OSGIN2: variants seen among roughly 807,000 people sequenced by gnomAD.
OSGIN2 encodes the protein oxidative stress induced growth inhibitor family member 2.
OSGIN2 carries 19 observed loss-of-function variants against 53.8 expected under a neutral mutation model. That is an observed-to-expected ratio of 0.35 (90% CI 0.25 to 0.52). The LOEUF is 0.52. Ranked by LOEUF, OSGIN2 falls within the 20% of genes least tolerant of loss-of-function variation. OSGIN2 has a pLI of 0.95. For missense variants in OSGIN2, 520 were observed against 662.7 expected, an observed-to-expected ratio of 0.78 and a Z score of 2.36; for synonymous variants, 236 against 236.0, an observed-to-expected ratio of 1.00 and a Z score of 0.00.
At chr8:89,910,261 A>C (rs1295713341) in intron 2 of OSGIN2, among the ~76,000 whole-genome samples, 1 of 152,238 alleles carries the variant, frequency 6.6e-6, no homozygotes, top group African/African-American at 2.4e-5. Flanking sequence ...CATTTAAGAT[A>C]TTAAAAATTA....
chr8:89,921,054 A>G (rs755593905), intron 4 of OSGIN2, 26 bp from the exon 5 acceptor site: 1 of 1,318,936 alleles, frequency 7.6e-7, no homozygotes, highest in Non-Finnish European at 1.1e-6. Flanking sequence ...TTTTGACGGT[A>G]CATTTTTTTT....
At chr8:89,905,830 AT>A in intron 1 of OSGIN2, among the ~76,000 whole-genome samples, 1 of 152,380 alleles carries the variant, frequency 6.6e-6, no homozygotes, top group East Asian at 1.9e-4. Context: ...TAATATATAA[AT>A]TCAACGGTGT....
intron 5 of OSGIN2, 108 bp downstream of exon 5, chr8:89,921,279 G>A (rs145393489): frequency 1.4e-5 from 9 of 637,766 alleles, no homozygotes; most frequent in East Asian, 1.1e-4. Flanking sequence ...ATAAATGTAC[G>A]TCTTTCAAAT....
Position 89,926,397 on chromosome 8 carries a change from C to T in OSGIN2, c.*865C>T, listed in dbSNP as rs1809333962. The T allele has an allele frequency of 6.6e-6, 1 of 152,632 alleles. No homozygotes were observed. Among genetic ancestry groups the T allele is most frequent in the African/African-American group, 2.4e-5 (1 of 41,452 alleles). 9.5% of individuals were successfully genotyped at this position (152,632 alleles called of 1,614,324 possible). ...GTTCAATAAATTGTGGGTTGAACTA[C>T]TTATCCCTGTGTGAACATTGAATTA... On this transcript the variant is annotated 3_prime_UTR_variant, in exon 6 of 6. Transcript: ENST00000451899.
At chr8:89,923,109 T>C (rs1809243422) in intron 5 of OSGIN2, among the ~76,000 whole-genome samples, 1 of 152,136 alleles carries the variant, frequency 6.6e-6, no homozygotes, top group Admixed American at 6.5e-5. Context: ...GGTGAGTGAA[T>C]GTGAAGGCCT....
chr8:89,914,597 A>C lies in OSGIN2; in HGVS notation c.379A>C (p.Asn127His). 1 of 1,614,092 alleles carries C rather than the reference A, an allele frequency of 6.2e-7. No homozygotes were observed. The highest frequency in any genetic ancestry group is 8.5e-7 in the Non-Finnish European group (1 of 1,179,946). Residue 127 changes from asparagine to histidine, a missense_variant, in exon 4 of 6, where the codon AAT (asparagine) becomes CAT (histidine). Physicochemically the swap from Asn to His is moderately conservative, Grantham distance 68. Around this residue, in one of 3 missense-constraint regions of OSGIN2, gnomAD observed 203 missense variants for 275.3 expected, o/e 0.74. Coordinates refer to ENST00000451899, the MANE Select transcript of OSGIN2 (RefSeq NM_001126111.3). ...LSEGLEGRSS[N>H]PVAVLFDTLL... Reference sequence around the variant, plus strand: ...TGAGGGCCTTGAGGGCCGATCATCCAATCCAGTTGCAGTACTTTTCGATAC... The same window carrying C: ...TGAGGGCCTTGAGGGCCGATCATCCCATCCAGTTGCAGTACTTTTCGATAC...
intron 1 of OSGIN2, 37 bp from the exon 2 acceptor site, chr8:89,909,530 T>C: frequency 8.4e-7 from 1 of 1,190,288 alleles, no homozygotes; most frequent in Non-Finnish European, 1.2e-6. Flanking sequence ...CTATATTGAC[T>C]ATATCTCTTT....
In OSGIN2 at chr8:89,916,877, T is replaced by C. The variant is rs192744857; in HGVS notation, c.528+2131T>C. 1.9e-3 allele frequency among the ~76,000 whole-genome samples: 288 copies of C among 152,290 alleles called. 1 individual carries two copies. Among genetic ancestry groups the C allele is most frequent in the Non-Finnish European group, 2.2e-3 (151 of 68,026 alleles). ...CATTCTCCCATAGCCCTATGTCCCATCAGGTTGGCTAGTAAGGTTGGTCTT... is the reference window on the plus strand; with the variant it reads ...CATTCTCCCATAGCCCTATGTCCCACCAGGTTGGCTAGTAAGGTTGGTCTT... On this transcript the variant is annotated intron_variant, in intron 4 of 5. Transcript: ENST00000451899.
chr8:89,914,519 C>A (rs1809037032), intron 3 of OSGIN2, 36 bp from the exon 4 acceptor site: 1 of 1,549,826 alleles, frequency 6.5e-7, no homozygotes, highest in Non-Finnish European at 8.9e-7. Context: ...GAAATGCTGG[C>A]TTTTTTCAAA....
At chr8:89,912,188 ATAAG>A (rs928258174) in intron 2 of OSGIN2, among the ~76,000 whole-genome samples, 121 of 152,360 alleles carry the variant, frequency 7.9e-4, no homozygotes, top group African/African-American at 2.8e-3. Context: ...GGCAGATATA[ATAAG>A]TGGTAATCCA....
At chr8:89,922,060 G>A (rs954178110) in intron 5 of OSGIN2, among the ~76,000 whole-genome samples, 10 of 151,812 alleles carry the variant, frequency 6.6e-5, no homozygotes, top group Non-Finnish European at 1.3e-4. Flanking sequence ...AATTTAAAAA[G>A]AGAAATATGA....
chr8:89,925,974 T>G lies in OSGIN2; in HGVS notation c.*442T>G, dbSNP rs1164462132. 1 of 157,696 alleles carries G rather than the reference T, an allele frequency of 6.3e-6. No individual in the cohort carries two copies. Among genetic ancestry groups the G allele is most frequent in the African/African-American group, 2.4e-5 (1 of 41,432 alleles). The allele number at this position is 157,696 out of a possible 1,614,324, so 9.8% of individuals were successfully genotyped here. ...CCTGCAGCATCTTACATCTGTAGCT[T>G]GTTAGAAATGTAAACTCTCAGGCCC... On this transcript the variant is annotated 3_prime_UTR_variant, in exon 6 of 6. Coordinates refer to ENST00000451899, the MANE Select transcript of OSGIN2 (RefSeq NM_001126111.3).
chr8:89,913,341 A>G (rs1387846944), intron 2 of OSGIN2, among the ~76,000 whole-genome samples: 1 of 152,210 alleles, frequency 6.6e-6, no homozygotes, highest in Non-Finnish European at 1.5e-5. Flanking sequence ...CTTTGAAGCT[A>G]GAAGCAAGAT....
In OSGIN2 at chr8:89,908,846, C is replaced by CA. The variant is rs201835735; in HGVS notation, c.45-715dup. On this transcript the variant is annotated intron_variant, in intron 1 of 5. Transcript: ENST00000451899. ...TAACATAGCGAGATCCTATCTCTACCAAAAAATATTTTTTAAATTAGCCAA... is the reference window on the plus strand; with the variant it reads ...TAACATAGCGAGATCCTATCTCTACCAAAAAAATATTTTTTAAATTAGCCAA... 9.1e-3 allele frequency among the ~76,000 whole-genome samples: 1,371 copies of CA among 149,920 alleles called. 23 individuals are homozygous for CA. The highest frequency in any genetic ancestry group is 0.032 in the African/African-American group (1,327 of 40,876).
At chr8:89,904,541 GTTGT>G (rs1563461127) in intron 1 of OSGIN2, among the ~76,000 whole-genome samples, 3 of 149,324 alleles carry the variant, frequency 2.0e-5, no homozygotes, top group Non-Finnish European at 4.5e-5. Flanking sequence ...TTTTTTTTTA[GTTGT>G]TTACCAGCTC....
Position 89,902,754 on chromosome 8 carries a change from C to G in OSGIN2, c.-40C>G, listed in dbSNP as rs1308464325. Reference sequence around the variant, plus strand: ...GCCTCGCCGGGGGAGGCGGAGGCGGCCACGGCGGCCGCGCTCGGGCGCCCC... The same window carrying G: ...GCCTCGCCGGGGGAGGCGGAGGCGGGCACGGCGGCCGCGCTCGGGCGCCCC... On this transcript the variant is annotated 5_prime_UTR_variant, in exon 1 of 6. Transcript: ENST00000451899. 8 of 1,189,428 alleles carry G rather than the reference C, an allele frequency of 6.7e-6. No individual in the cohort carries two copies. In the Admixed American group the frequency reaches 3.6e-4, roughly 54 times the overall value. The allele number at this position is 1,189,428 out of a possible 1,614,324, so 73.7% of individuals were successfully genotyped here. A position where few individuals can be genotyped will look rare whatever the true frequency, so the allele number is the denominator to read the frequency against.
intron 4 of OSGIN2, among the ~76,000 whole-genome samples, chr8:89,918,313 G>A (rs1220513887): frequency 6.6e-6 from 1 of 151,866 alleles, no homozygotes; most frequent in Non-Finnish European, 1.5e-5. Context: ...TGTTGTTGTT[G>A]TTTTTGAGAG....
At chr8:89,923,965 C>T (rs967056961) in intron 5 of OSGIN2, among the ~76,000 whole-genome samples, 17 of 152,096 alleles carry the variant, frequency 1.1e-4, no homozygotes, top group Admixed American at 8.5e-4. Flanking sequence ...TGTTACTTAA[C>T]CTAGATGTAA....
intron 2 of OSGIN2, among the ~76,000 whole-genome samples, chr8:89,913,172 C>T (rs1004098440): frequency 6.6e-6 from 1 of 152,166 alleles, no homozygotes; most frequent in Non-Finnish European, 1.5e-5. Flanking sequence ...AGCAGAATTC[C>T]GGCACCTCTC....
Sources: gnomAD v4.1 joint callset for allele counts (sites outside exome capture counted in the v4.1 genomes callset) on GRCh38, gnomAD v4.1.1 for gene constraint, gnomAD v4.1.1 regional missense constraint, MANE v1.5 for transcripts, NCBI Gene and HGNC (gene_info 2026-07-23, HGNC 2026-07-21) for gene names.